Variants in PACS1 observed in about 807,000 individuals in gnomAD.
PACS1 encodes phosphofurin acidic cluster sorting protein 1.
A neutral mutation model predicts 115.0 loss-of-function variants in PACS1; 24 were observed. That is an observed-to-expected ratio of 0.21 (90% CI 0.15 to 0.29). The LOEUF is 0.29. PACS1 is among the 10% of genes least tolerant of loss of function. The pLI is 1.00. For missense variants in PACS1, 838 were observed against 1,251.2 expected (o/e 0.67, Z 4.98); for synonymous variants, 453 against 504.5 (o/e 0.90, Z 1.37).
intron 1 of PACS1, among the ~76,000 whole-genome samples, chr11:66,174,350 GAA>G (rs1199376659): frequency 4.8e-4 from 2 of 4,124 alleles, no homozygotes; most frequent in Non-Finnish European, 0.018. Context: ...AGCCACTTTG[GAA>G]AATACTTTTG....
intron 1 of PACS1, among the ~76,000 whole-genome samples, chr11:66,098,489 T>C (rs966415970): frequency 6.6e-6 from 1 of 152,256 alleles, no homozygotes; most frequent in African/African-American, 2.4e-5. Context: ...GACCATGTTA[T>C]GCACATGCTA....
At chr11:66,212,371 A>G (rs1408109343) in intron 4 of PACS1, among the ~76,000 whole-genome samples, 1 of 148,600 alleles carries the variant, frequency 6.7e-6, no homozygotes, top group Non-Finnish European at 1.5e-5. Context: ...TGACCTTGTG[A>G]TCCGCCCGCC....
chr11:66,070,570 C>G lies in PACS1; in HGVS notation c.84C>G (p.Ser28=). 1 of 1,479,474 alleles carries G rather than the reference C, an allele frequency of 6.8e-7. No homozygotes were observed. The highest frequency in any genetic ancestry group is 1.5e-5 in the African/African-American group (1 of 68,356). 91.6% of individuals were successfully genotyped at this position (1,479,474 alleles called of 1,614,324 possible). A position where few individuals can be genotyped will look rare whatever the true frequency, so the allele number is the denominator to read the frequency against. The change falls in exon 1 of 24, where the codon TCC becomes TCG. Residue 28 remains serine, a synonymous_variant. Transcript: ENST00000320580. The surrounding 1 kb of genome is among the most constrained non-coding windows in gnomAD (Gnocchi z 5.9). ...AGCGGGGATCCGGGGTCGCCCAGTC[C>G]CCTCAGCAGCCGCCGCCGCAGCAGC... is the stretch of plus-strand genomic sequence containing the variant. ...SGQRGSGVAQ[S]PQQPPPQQQQ...
At chr11:66,169,452 T>C (rs1223310261) in intron 1 of PACS1, among the ~76,000 whole-genome samples, 1 of 150,100 alleles carries the variant, frequency 6.7e-6, no homozygotes, top group Non-Finnish European at 1.5e-5. Context: ...CAGGCTGGAA[T>C]GCAGTGGCTC....
intron 19 of PACS1, among the ~76,000 whole-genome samples, chr11:66,237,821 C>T (rs1855734678): frequency 6.6e-6 from 1 of 152,238 alleles, no homozygotes; most frequent in Non-Finnish European, 1.5e-5. Flanking sequence ...CAGGAAGCCC[C>T]AGAGTGGCAA....
intron 4 of PACS1, among the ~76,000 whole-genome samples, chr11:66,213,329 T>G (rs925310695): frequency 6.6e-6 from 1 of 152,258 alleles, no homozygotes; most frequent in South Asian, 2.1e-4. Context: ...CATGCCAGCT[T>G]TGAGTCCTTA....
chr11:66,151,162 C>A (rs1021901509), intron 1 of PACS1, among the ~76,000 whole-genome samples: 4 of 151,490 alleles, frequency 2.6e-5, no homozygotes, highest in Non-Finnish European at 5.9e-5. Context: ...AAGACAAAAA[C>A]AAAAATAAAA....
chr11:66,204,227 A>G (rs1057064040), intron 2 of PACS1, among the ~76,000 whole-genome samples: 8 of 152,246 alleles, frequency 5.3e-5, no homozygotes, highest in Admixed American at 5.2e-4. Flanking sequence ...AGAAATGGGC[A>G]AACGATCTGA....
rs751100825 is a variant in PACS1, at chr11:66,230,848, C to T, written c.1534C>T (p.Pro512Ser). The change falls in exon 13 of 24, where the codon CCC becomes TCC. Residue 512 changes from proline to serine, a missense_variant. By Grantham distance (74) the Pro-to-Ser change is moderately conservative. Coordinates refer to ENST00000320580, the MANE Select transcript of PACS1 (RefSeq NM_018026.4). ...CACACCCCGGCAGAAGAGGAGCACG[C>T]CCCTGAAGGAGCGGCAGCTCTCCAA... is the stretch of plus-strand genomic sequence containing the variant. ...VHTPRQKRST[P>S]LKERQLSKPL... The T allele has an allele frequency of 1.9e-6, 3 of 1,614,096 alleles. No individual in the cohort carries two copies. Among genetic ancestry groups the T allele is most frequent in the Non-Finnish European group, 2.5e-6 (3 of 1,180,036 alleles).
At position 66,070,424 on chromosome 11, in the gene PACS1, G is replaced by C. The variant is rs1214824136; in HGVS notation, c.-63G>C. The stretch of plus-strand genomic sequence containing the variant: ...GCCGCGCCCCCGCCGCCGCCGCCGC[G>C]GGGGAAGCCTGGGAGCCAGATCGGC... On this transcript the variant is annotated 5_prime_UTR_variant, in exon 1 of 24. Coordinates refer to ENST00000320580, the MANE Select transcript of PACS1 (RefSeq NM_018026.4). The surrounding 1 kb of genome is among the most constrained non-coding windows in gnomAD (Gnocchi z 5.9). 1.8e-5 allele frequency: 19 copies of C among 1,046,252 alleles called. No individual in the cohort carries two copies. The highest frequency in any genetic ancestry group is 2.1e-5 in the Non-Finnish European group (17 of 827,646). The allele number at this position is 1,046,252 out of a possible 1,614,324, so 64.8% of individuals were successfully genotyped here.
chr11:66,135,509 A>G (rs1031851268), intron 1 of PACS1, among the ~76,000 whole-genome samples: 2 of 152,176 alleles, frequency 1.3e-5, no homozygotes, highest in African/African-American at 4.8e-5. Flanking sequence ...TCTTCATTTT[A>G]ACTTTAGTTG....
chr11:66,209,036 T>G (rs189155793), intron 2 of PACS1, among the ~76,000 whole-genome samples: 1 of 152,298 alleles, frequency 6.6e-6, no homozygotes, highest in East Asian at 1.9e-4. Context: ...ACAAGACATA[T>G]CTTTGTCTCA....
At position 66,214,350 on chromosome 11, in the gene PACS1, A is replaced by G. The variant is rs143288396; in HGVS notation, c.661-1769A>G. 7.9e-5 allele frequency among the ~76,000 whole-genome samples: 12 copies of G among 152,202 alleles called. No homozygotes were observed. In the East Asian group the frequency reaches 1.9e-3, roughly 25 times the overall value. The stretch of plus-strand genomic sequence containing the variant: ...TACGCCAGGCTCTGCCATTCCCTGT[A>G]GACTGGGCTCCTTTTCCTCATTGCC... On this transcript the variant is annotated intron_variant, in intron 4 of 23. Transcript: ENST00000320580.
chr11:66,168,520 T>C (rs1363347801), intron 1 of PACS1, among the ~76,000 whole-genome samples: 1 of 150,304 alleles, frequency 6.7e-6, no homozygotes, highest in Non-Finnish European at 1.5e-5. Flanking sequence ...GCTTACGGTG[T>C]CATCTTGGGT....
At chr11:66,136,452 C>T (rs963846544) in intron 1 of PACS1, among the ~76,000 whole-genome samples, 5 of 151,796 alleles carry the variant, frequency 3.3e-5, no homozygotes, top group African/African-American at 1.2e-4. Context: ...GAACACCCTA[C>T]TTAGAATAAA....
Position 66,233,933 on chromosome 11 carries a change from C to A in PACS1, c.1987C>A (p.Pro663Thr). 1.3e-6 allele frequency: 2 copies of A among 1,572,682 alleles called. No individual in the cohort carries two copies. Among genetic ancestry groups the A allele is most frequent in the South Asian group, 1.2e-5 (1 of 84,516 alleles). Residue 663 changes from proline (P) to threonine (T), a missense_variant, in exon 16 of 24, where the codon CCC (proline) becomes ACC (threonine). Physicochemically the swap from Pro to Thr is conservative, Grantham distance 38. This residue lies in a region of PACS1 where 383 missense variants were observed against 537.0 expected (regional missense o/e 0.71). Transcript: ENST00000320580. This position sits in a 1 kb window ranked among gnomAD's most constrained non-coding sequence, Gnocchi z 4.5. Reference protein sequence around the residue: ...WLGYMRFLIIPLGSHPVAKYL... With the variant: ...WLGYMRFLIITLGSHPVAKYL... ...TGGCTACATGCGCTTCCTCATCATC[C>A]CCCTCGGTAAAGACGGGAGGCACCA...
intron 11 of PACS1, among the ~76,000 whole-genome samples, chr11:66,230,092 C>T (rs1439717996): frequency 7.2e-6 from 1 of 138,800 alleles, no homozygotes; most frequent in Non-Finnish European, 1.5e-5. Flanking sequence ...GGGAGAATCT[C>T]AACGGAGATG....
chr11:66,129,512 A>G (rs919419179), intron 1 of PACS1, among the ~76,000 whole-genome samples: 9 of 150,740 alleles, frequency 6.0e-5, no homozygotes, highest in Non-Finnish European at 1.2e-4. Context: ...GGGCCTAACT[A>G]TATTGCCCAG....
At position 66,211,220 on chromosome 11, in the gene PACS1, C is replaced by G; in HGVS notation, c.621C>G (p.Gly207=). ...RKRYKNRTIL[G]YKTLAVGLIN... ...GTTACAAGAATCGGACCATCTTGGGCTATAAGACCTTGGCCGTGGGACTCA... is the reference window on the plus strand; with the variant it reads ...GTTACAAGAATCGGACCATCTTGGGGTATAAGACCTTGGCCGTGGGACTCA... Residue 207 remains glycine, a synonymous_variant, in exon 4 of 24, where the codon GGC becomes GGG. Coordinates refer to ENST00000320580, the MANE Select transcript of PACS1 (RefSeq NM_018026.4). 1 of 1,613,742 alleles carries G rather than the reference C, an allele frequency of 6.2e-7. No homozygotes were observed. Among genetic ancestry groups the G allele is most frequent in the Non-Finnish European group, 8.5e-7 (1 of 1,179,708 alleles).
Sources: allele counts gnomAD v4.1 joint callset (sites outside exome capture counted in the v4.1 genomes callset), GRCh38; gene constraint gnomAD v4.1.1; regional missense constraint gnomAD v4.1.1; non-coding constraint Gnocchi (gnomAD v3.1); transcripts MANE v1.5; gene names NCBI Gene and HGNC (gene_info 2026-07-23, HGNC 2026-07-21).